The following SPTLC2 variants were observed in gnomAD, a reference collection of about 807,000 sequenced individuals.
The protein encoded by SPTLC2 is serine palmitoyltransferase long chain base subunit 2, also known as serine palmitoyltransferase 2.
A neutral mutation model predicts 62.0 loss-of-function variants in SPTLC2; 21 were observed. That is an observed-to-expected ratio of 0.34 (90% CI 0.24 to 0.49). The LOEUF (loss-of-function observed/expected upper bound fraction) is 0.49. Ranked by LOEUF, SPTLC2 falls within the 20% of genes least tolerant of loss-of-function variation. The pLI is 0.99. For missense variants in SPTLC2, 511 were observed against 713.0 expected (o/e 0.72, Z 3.23); for synonymous variants, 261 against 261.8 (o/e 1.00, Z 0.03).
intron 6 of SPTLC2, among the ~76,000 whole-genome samples, chr14:77,561,115 T>C (rs539544733): frequency 9.6e-4 from 146 of 152,304 alleles, no homozygotes; most frequent in African/African-American, 3.3e-3. Flanking sequence ...CTGAGACTGC[T>C]AGAAATTTAT....
chr14:77,561,254 G>A (rs1023066031), intron 6 of SPTLC2, among the ~76,000 whole-genome samples: 5 of 152,208 alleles, frequency 3.3e-5, no homozygotes, highest in African/African-American at 9.6e-5. Context: ...GGCACTAACT[G>A]CCACACTGGT....
At chr14:77,534,031 G>A (rs1023078412) in intron 9 of SPTLC2, among the ~76,000 whole-genome samples, 20 of 152,034 alleles carry the variant, frequency 1.3e-4, no homozygotes, top group African/African-American at 3.9e-4. Context: ...GGTGACGCAC[G>A]CCTGTGGTCC....
At chr14:77,598,003 T>G (rs1394076347) in intron 1 of SPTLC2, among the ~76,000 whole-genome samples, 1 of 151,492 alleles carries the variant, frequency 6.6e-6, no homozygotes, top group African/African-American at 2.4e-5. Context: ...ATGCCTATAA[T>G]CTCAGCTATT....
chr14:77,507,230 T>A lies in SPTLC2; in HGVS notation c.*5054A>T, dbSNP rs2139985448. On this transcript the variant is annotated 3_prime_UTR_variant, in exon 12 of 12. Coordinates refer to ENST00000216484, the MANE Select transcript of SPTLC2 (RefSeq NM_004863.4). ...TTTCTATACATTAAAAGCAAAGGGA[T>A]CATTGGCTAGCACTAGCATTTATTC... 4 of 152,318 alleles carry A rather than the reference T, an allele frequency of 2.6e-5. 1 individual carries two copies. In the Middle Eastern group the frequency reaches 0.01, roughly 389 times the overall value. 9.4% of individuals were successfully genotyped at this position (152,318 alleles called of 1,614,324 possible).
At chr14:77,580,060 T>A (rs2079739606) in intron 2 of SPTLC2, among the ~76,000 whole-genome samples, 1 of 152,158 alleles carries the variant, frequency 6.6e-6, no homozygotes, top group African/African-American at 2.4e-5. Context: ...AAAAACCACA[T>A]AATTCCAATT....
At chr14:77,570,340 A>C (rs2079674221) in intron 5 of SPTLC2, 44 bp downstream of exon 5, 1 of 1,608,160 alleles carries the variant, frequency 6.2e-7, no homozygotes, top group Non-Finnish European at 8.5e-7. Context: ...AAAACAAAAG[A>C]AGATATACAT....
chr14:77,550,835 C>T (rs770961694), intron 9 of SPTLC2, among the ~76,000 whole-genome samples: 18 of 149,626 alleles, frequency 1.2e-4, no homozygotes, highest in Admixed American at 2.0e-4. Context: ...ACCTGGGAAG[C>T]GGAGGTTGCT....
At chr14:77,587,331 TACTCTATA>T (rs560272510) in intron 2 of SPTLC2, among the ~76,000 whole-genome samples, 4 of 152,300 alleles carry the variant, frequency 2.6e-5, no homozygotes, top group Non-Finnish European at 5.9e-5. Flanking sequence ...AAGACATGCA[TACTCTATA>T]ACTCTATAAC....
chr14:77,557,216 G>T, intron 6 of SPTLC2, 70 bp from the exon 7 acceptor site: 1 of 1,335,216 alleles, frequency 7.5e-7, no homozygotes, highest in Non-Finnish European at 1.1e-6. Context: ...GAAATGCAGA[G>T]ATATATTTCT....
At chr14:77,540,715 T>TCACC (rs1286844547) in intron 9 of SPTLC2, among the ~76,000 whole-genome samples, 1 of 152,130 alleles carries the variant, frequency 6.6e-6, no homozygotes, top group Non-Finnish European at 1.5e-5. Flanking sequence ...CCTCAAGCGA[T>TCACC]CACCCACCTT....
Position 77,509,239 on chromosome 14 carries a change from T to A in SPTLC2, c.*3045A>T, listed in dbSNP as rs1000988364. On this transcript the variant is annotated 3_prime_UTR_variant, in exon 12 of 12. Transcript: ENST00000216484. ...TTTTTTTAAAGGTAAGGATTTCTTA[T>A]CCAAAGCAAAGCAAAAAGTTGAAAA... 7.9e-5 allele frequency: 12 copies of A among 151,918 alleles called. No individual in the cohort carries two copies. The highest frequency in any genetic ancestry group is 2.7e-4 in the African/African-American group (11 of 41,322). 9.4% of individuals were successfully genotyped at this position (151,918 alleles called of 1,614,324 possible).
chr14:77,597,145 A>G (rs374736781), intron 2 of SPTLC2, 41 bp downstream of exon 2: 15 of 1,595,974 alleles, frequency 9.4e-6, no homozygotes, highest in Non-Finnish European at 1.3e-5. Context: ...ATTTCCATAA[A>G]AGGCTTCTAT....
chr14:77,564,066 A>G (rs1428524287), intron 5 of SPTLC2, among the ~76,000 whole-genome samples: 1 of 151,912 alleles, frequency 6.6e-6, no homozygotes, highest in East Asian at 1.9e-4. Context: ...AGCCTGGCCA[A>G]CATGGCAAAA....
chr14:77,562,701 T>C (rs1434584586), intron 5 of SPTLC2, among the ~76,000 whole-genome samples: 1 of 152,244 alleles, frequency 6.6e-6, no homozygotes, highest in Non-Finnish European at 1.5e-5. Context: ...TTCTAGCCTT[T>C]TAATTTAATA....
intron 5 of SPTLC2, among the ~76,000 whole-genome samples, chr14:77,562,879 T>TGG (rs1210219854): frequency 6.6e-6 from 1 of 152,194 alleles, no homozygotes; most frequent in African/African-American, 2.4e-5. Context: ...TGGCAGCTGA[T>TGG]GGGGTCATGT....
At chr14:77,557,719 T>A (rs1208930305) in intron 6 of SPTLC2, among the ~76,000 whole-genome samples, 1 of 152,210 alleles carries the variant, frequency 6.6e-6, no homozygotes, top group African/African-American at 2.4e-5. Context: ...GGGGCATGTA[T>A]AAGTCTGTGT....
At chr14:77,597,459 T>C (rs1291844190) in intron 1 of SPTLC2, 79 bp from the exon 2 acceptor site, 1 of 1,364,682 alleles carries the variant, frequency 7.3e-7, no homozygotes, top group East Asian at 2.4e-5. Flanking sequence ...CCTTAGAGAT[T>C]TGCTGAATTA....
At chr14:77,569,798 A>AAT (rs2079667417) in intron 5 of SPTLC2, among the ~76,000 whole-genome samples, 1 of 137,082 alleles carries the variant, frequency 7.3e-6, no homozygotes, top group African/African-American at 2.5e-5. Flanking sequence ...TAATATATAT[A>AAT]ATATGTAACA....
At chr14:77,563,296 A>G (rs1391264234) in intron 5 of SPTLC2, among the ~76,000 whole-genome samples, 1 of 152,200 alleles carries the variant, frequency 6.6e-6, no homozygotes, top group Non-Finnish European at 1.5e-5. Flanking sequence ...CTCAGTCTAC[A>G]GGAGGACTTG....
Sources: allele counts gnomAD v4.1 joint callset (sites outside exome capture counted in the v4.1 genomes callset), GRCh38; gene constraint gnomAD v4.1.1; transcripts MANE v1.5; gene names NCBI Gene and HGNC (gene_info 2026-07-23, HGNC 2026-07-21).